The following TENM1 variants were observed in gnomAD, a reference collection of about 807,000 sequenced individuals.
The protein encoded by TENM1 is teneurin-1.
In TENM1, 35 loss-of-function variants were observed where a neutral mutation model predicts 174.8. The observed-to-expected ratio is 0.20, with a 90% CI of 0.15 to 0.27. The LOEUF (loss-of-function observed/expected upper bound fraction) is 0.27. TENM1 is among the 10% of genes least tolerant of loss of function. The pLI is 1.00. For synonymous variants in TENM1, 781 were observed against 798.7 expected, an observed-to-expected ratio of 0.98 and a Z score of 0.37; for missense variants, 1,633 against 2,130.1, an observed-to-expected ratio of 0.77 and a Z score of 4.59.
rs184854390 is a variant in TENM1, at chrX:124,604,880, A to G, written c.2077+36911T>C. Among the ~76,000 whole-genome samples the G allele has an allele frequency of 3.6e-5, 4 of 109,855 alleles. No homozygotes were observed. The East Asian group carries it at 8.6e-4, about 24-fold the overall frequency. The stretch of plus-strand genomic sequence containing the variant: ...CCTGTCAAAGGAGATACTTCTTAGA[A>G]GCGTTGTTTAAATAGACGACGTTTA... On this transcript the variant is annotated intron_variant, in intron 11 of 31. Transcript: ENST00000422452.
At chrX:124,691,715 T>G (rs1038314099) in intron 5 of TENM1, among the ~76,000 whole-genome samples, 2 of 112,014 alleles carry the variant, frequency 1.8e-5, no homozygotes, top group Non-Finnish European at 3.8e-5. Context: ...TTTTTAACAC[T>G]ATTTTATTTA....
At chrX:124,581,551 C>T (rs1490003560) in intron 11 of TENM1, among the ~76,000 whole-genome samples, 9 of 111,935 alleles carry the variant, frequency 8.0e-5, no homozygotes, top group Non-Finnish European at 3.8e-5. Context: ...TTGTATATAT[C>T]CCCAGTAATG....
intron 4 of TENM1, among the ~76,000 whole-genome samples, chrX:124,724,273 A>C (rs184956463): frequency 1.8e-5 from 2 of 112,399 alleles, no homozygotes; most frequent in East Asian, 5.6e-4. Flanking sequence ...TTGTTGAACG[A>C]TATGAGCCAA....
At chrX:124,894,703 G>A (rs2057533060) in intron 2 of TENM1, among the ~76,000 whole-genome samples, 1 of 111,173 alleles carries the variant, frequency 9.0e-6, no homozygotes, top group African/African-American at 3.3e-5. Flanking sequence ...AGATGAAGGA[G>A]AAGATGTCTT....
intron 3 of TENM1, among the ~76,000 whole-genome samples, chrX:124,749,450 G>T (rs1037271491): frequency 1.8e-5 from 2 of 111,826 alleles, no homozygotes; most frequent in African/African-American, 6.5e-5. Flanking sequence ...TTGTATTTAT[G>T]AAGCACCTTT....
chrX:124,508,939 C>G (rs2047514390), intron 18 of TENM1, among the ~76,000 whole-genome samples: 1 of 111,541 alleles, frequency 9.0e-6, no homozygotes, highest in Admixed American at 9.6e-5. Flanking sequence ...AACAAATATG[C>G]AATATTTCAT....
At chrX:124,673,692 C>G (rs1055511229) in intron 5 of TENM1, among the ~76,000 whole-genome samples, 1 of 111,017 alleles carries the variant, frequency 9.0e-6, no homozygotes, top group African/African-American at 3.3e-5. Flanking sequence ...GCATAAATGG[C>G]ATTTCAGGAT....
chrX:124,790,009 T>C (rs2055143882), intron 3 of TENM1, among the ~76,000 whole-genome samples: 1 of 112,109 alleles, frequency 8.9e-6, no homozygotes, highest in Non-Finnish European at 1.9e-5. Context: ...TCCACATGGC[T>C]GAGAAGGCCT....
intron 22 of TENM1, among the ~76,000 whole-genome samples, chrX:124,465,275 G>A (rs942311208): frequency 1.8e-5 from 2 of 111,808 alleles, no homozygotes; most frequent in African/African-American, 6.5e-5. Context: ...TAGAGACAGG[G>A]TGTTGCTCTG....
At chrX:124,405,870 C>G (rs186725670) in intron 26 of TENM1, among the ~76,000 whole-genome samples, 186 of 109,382 alleles carry the variant, frequency 1.7e-3, no homozygotes, top group African/African-American at 6.0e-3. Context: ...ACTTTTCTGT[C>G]TTCAAATATA....
the TENM1 span, among the ~76,000 whole-genome samples, chrX:125,155,921 G>A: frequency 8.9e-6 from 1 of 112,765 alleles, no homozygotes; most frequent in Non-Finnish European, 1.9e-5. Flanking sequence ...GTGCAGCGGC[G>A]GGCTGAAGGG....
intron 3 of TENM1, 73 bp downstream of exon 6, chrX:124,894,223 T>C (rs2057522457): frequency 1.2e-6 from 1 of 833,213 alleles, no homozygotes. Context: ...CAGGGTTCCA[T>C]TTTGTGGGGG....
chrX:124,907,523 T>C (rs906549703), intron 1 of TENM1, among the ~76,000 whole-genome samples: 3 of 111,979 alleles, frequency 2.7e-5, no homozygotes, highest in African/African-American at 9.7e-5. Flanking sequence ...CTTTGTTTTG[T>C]CCCATAGCTA....
chrX:125,176,469 T>G, the TENM1 span, among the ~76,000 whole-genome samples: 1 of 111,394 alleles, frequency 9.0e-6, no homozygotes, highest in African/African-American at 3.3e-5. Context: ...GTTACCACAC[T>G]TACAGTTTAG....
At chrX:124,882,689 T>C (rs1178614507) in intron 3 of TENM1, among the ~76,000 whole-genome samples, 1 of 112,374 alleles carries the variant, frequency 8.9e-6, no homozygotes, top group African/African-American at 3.2e-5. Context: ...ATATGAGTAA[T>C]GTGATGCCTC....
chrX:124,561,004 T>G (rs2048807291), intron 14 of TENM1, among the ~76,000 whole-genome samples: 1 of 110,940 alleles, frequency 9.0e-6, no homozygotes, highest in Non-Finnish European at 1.9e-5. Context: ...CCACAGTGGT[T>G]TTAAAAAATA....
chrX:124,507,323 C>T (rs774495235), intron 18 of TENM1, among the ~76,000 whole-genome samples: 7 of 111,191 alleles, frequency 6.3e-5, no homozygotes, highest in Non-Finnish European at 9.4e-5. Context: ...GATCACCTCC[C>T]TTGTGACTCT....
intron 31 of TENM1, among the ~76,000 whole-genome samples, chrX:124,381,670 A>G (rs948761354): frequency 1.3e-4 from 15 of 111,945 alleles, no homozygotes; most frequent in African/African-American, 4.9e-4. Flanking sequence ...ACTTAGGCAC[A>G]GTGAGGCACA....
the TENM1 span, among the ~76,000 whole-genome samples, chrX:125,185,200 T>C: frequency 8.9e-6 from 1 of 112,254 alleles, no homozygotes. Flanking sequence ...AGGAGGCAAA[T>C]ATTTATGCCA....
Sources: allele counts gnomAD v4.1 joint callset (sites outside exome capture counted in the v4.1 genomes callset), GRCh38; gene constraint gnomAD v4.1.1; transcripts MANE v1.5; gene names NCBI Gene and HGNC (gene_info 2026-07-23, HGNC 2026-07-21).